The following CBLB variants were observed in gnomAD, a reference collection of about 807,000 sequenced individuals.
CBLB encodes E3 ubiquitin-protein ligase CBL-B.
Under a neutral mutation model 104.9 loss-of-function variants are expected in CBLB, and 31 were observed. That is an observed-to-expected ratio of 0.30 (90% confidence interval 0.22 to 0.40). CBLB has a LOEUF of 0.40. Among genes scored for constraint, CBLB ranks in the 10% least tolerant of loss-of-function variants. The pLI is 1.00. For synonymous variants in CBLB, 440 were observed against 422.6 expected (o/e 1.04, Z -0.51); for missense variants, 1,062 against 1,214.6 (o/e 0.87, Z 1.87).
intron 16 of CBLB, among the ~76,000 whole-genome samples, chr3:105,678,956 T>C (rs552544650): frequency 6.6e-6 from 1 of 152,288 alleles, no homozygotes; most frequent in East Asian, 1.9e-4. Flanking sequence ...ATTTTCTGTG[T>C]AGCAAAAAGA....
At chr3:105,817,020 T>A (rs867974007) in intron 3 of CBLB, among the ~76,000 whole-genome samples, 1 of 152,232 alleles carries the variant, frequency 6.6e-6, no homozygotes. Context: ...GAACTGGGTG[T>A]GTAGGATTCC....
chr3:105,830,083 C>T (rs9814761), intron 3 of CBLB, among the ~76,000 whole-genome samples: 38,540 of 151,994 alleles, frequency 0.25, 5,445 homozygotes, highest in South Asian at 0.36. Context: ...AGGAGTGATG[C>T]AGAGTTATCA....
At chr3:105,695,311 T>G (rs1238548344) in intron 12 of CBLB, among the ~76,000 whole-genome samples, 43 of 151,846 alleles carry the variant, frequency 2.8e-4, no homozygotes, top group Admixed American at 2.8e-3. Context: ...ATAAACCAAC[T>G]ATGATTTTAT....
chr3:105,856,366 A>G lies in CBLB; in HGVS notation c.169-2702T>C, dbSNP rs1003803469. The stretch of plus-strand genomic sequence containing the variant: ...TCCATCTCAAAAAAAAAAAAAAAAA[A>G]AAGAAAAGGAAAAAAAAAAGAAATC... On this transcript the variant is annotated intron_variant, in intron 2 of 18. Coordinates refer to ENST00000394030, the MANE Select transcript of CBLB (RefSeq NM_170662.5). Among the ~76,000 whole-genome samples, 79 of 151,604 alleles carry G rather than the reference A, an allele frequency of 5.2e-4. 1 individual carries two copies. Among genetic ancestry groups the G allele is most frequent in the Admixed American group, 1.7e-3 (26 of 15,234 alleles).
At chr3:105,756,862 C>T (rs574206990) in intron 4 of CBLB, among the ~76,000 whole-genome samples, 122 of 152,192 alleles carry the variant, frequency 8.0e-4, no homozygotes, top group African/African-American at 2.9e-3. Context: ...GAGGTAGAGC[C>T]CAGTGGGAGG....
At chr3:105,759,776 A>G (rs1203361487) in intron 4 of CBLB, among the ~76,000 whole-genome samples, 2 of 152,146 alleles carry the variant, frequency 1.3e-5, no homozygotes, top group African/African-American at 4.8e-5. Flanking sequence ...CCCCAAGAGT[A>G]TAGGGATGCC....
Position 105,658,984 on chromosome 3 carries a change from G to A in CBLB, c.2935C>T (p.Arg979Cys), listed in dbSNP as rs1240617248. 1.2e-6 allele frequency: 2 copies of A among 1,613,828 alleles called. No homozygotes were observed. Among genetic ancestry groups the A allele is most frequent in the Admixed American group, 1.7e-5 (1 of 59,996 alleles). ...EFAFPPPVSP[R>C]LNL The stretch of plus-strand genomic sequence containing the variant: ...AGTTCTGGCTGCTATAGATTTAGAC[G>A]TGGGGATACTGGAGGAGGGAAGGCA... Residue 979 changes from arginine (R) to cysteine (C), a missense_variant, in exon 19 of 19, where the codon CGT becomes TGT. Physicochemically the swap from Arg to Cys is radical, Grantham distance 180 (BLOSUM62 -3). This residue lies in a region of CBLB where 605 missense variants were observed against 582.6 expected (regional missense o/e 1.04). Transcript: ENST00000394030.
Position 105,867,428 on chromosome 3 carries a change from CCAAGTCTTCTCCACGGTCCTGCGAT to C in CBLB, c.125_149del (p.Asp42GlyfsTer8). 6.2e-7 allele frequency: 1 copy of C among 1,614,162 alleles called. No homozygotes were observed. The highest frequency in any genetic ancestry group is 8.5e-7 in the Non-Finnish European group (1 of 1,180,018). Reference sequence around the variant, plus strand: ...AACTTACCACTTTGTCCATGAGCTTCCAAGTCTTCTCCACGGTCCTGCGATCTGCGGCAGCTTGCTTAGGGGGTCC... The same window carrying C: ...AACTTACCACTTTGTCCATGAGCTTCCTGCGGCAGCTTGCTTAGGGGGTCC... On this transcript the variant is annotated frameshift_variant, in exon 2 of 19. Transcript: ENST00000394030. LOFTEE classifies it high-confidence loss of function.
intron 3 of CBLB, among the ~76,000 whole-genome samples, chr3:105,788,498 T>C (rs1248156462): frequency 6.6e-6 from 1 of 152,162 alleles, no homozygotes; most frequent in Non-Finnish European, 1.5e-5. Context: ...CGAATTTGTG[T>C]TGAGCTACAT....
intron 3 of CBLB, among the ~76,000 whole-genome samples, chr3:105,849,733 G>T (rs924278022): frequency 7.2e-5 from 11 of 151,946 alleles, no homozygotes; most frequent in African/African-American, 2.7e-4. Flanking sequence ...CTAGTCAAAG[G>T]AGTTATATGC....
intron 3 of CBLB, among the ~76,000 whole-genome samples, chr3:105,828,965 C>T (rs181395168): frequency 9.2e-5 from 14 of 152,060 alleles, no homozygotes; most frequent in African/African-American, 2.9e-4. Flanking sequence ...TAGGGAACCT[C>T]TATACCACAT....
At chr3:105,810,687 A>G (rs1241975444) in intron 3 of CBLB, among the ~76,000 whole-genome samples, 1 of 152,152 alleles carries the variant, frequency 6.6e-6, no homozygotes. Context: ...TCATGTTTCT[A>G]TAATTATAAA....
chr3:105,821,194 T>A (rs530635832), intron 3 of CBLB, among the ~76,000 whole-genome samples: 1 of 152,228 alleles, frequency 6.6e-6, no homozygotes, highest in African/African-American at 2.4e-5. Flanking sequence ...AAACACAACA[T>A]AATTTACATA....
At chr3:105,697,320 T>C (rs2068513512) in intron 12 of CBLB, among the ~76,000 whole-genome samples, 1 of 151,990 alleles carries the variant, frequency 6.6e-6, no homozygotes, top group South Asian at 2.1e-4. Flanking sequence ...TATCATCTAA[T>C]CCTAAAGTGT....
rs536983389 is a variant in CBLB at position 105,667,710 on chromosome 3, T to A, written c.2689+2523A>T. ...AGAAAACAAGGGAGATATTTTAAAA[T>A]CAATGAAACTACATTTTAAACTTCT... On this transcript the variant is annotated intron_variant, in intron 18 of 18. Coordinates refer to ENST00000394030, the MANE Select transcript of CBLB (RefSeq NM_170662.5). Among the ~76,000 whole-genome samples, 6 of 152,284 alleles carry A rather than the reference T, an allele frequency of 3.9e-5. No homozygotes were observed. In the East Asian group the frequency reaches 1.2e-3, roughly 29 times the overall value.
At chr3:105,725,342 G>C (rs1369721324) in intron 9 of CBLB, among the ~76,000 whole-genome samples, 1 of 152,172 alleles carries the variant, frequency 6.6e-6, no homozygotes, top group Non-Finnish European at 1.5e-5. Context: ...TTTAGAATGA[G>C]TCTACATTCT....
At chr3:105,761,750 A>G (rs2152931189) in intron 4 of CBLB, among the ~76,000 whole-genome samples, 1 of 152,358 alleles carries the variant, frequency 6.6e-6, no homozygotes, top group Middle Eastern at 3.4e-3. Flanking sequence ...GTGCTGCTGT[A>G]AAGATACCCA....
At chr3:105,681,659 A>G in intron 15 of CBLB, 49 bp from the exon 16 acceptor site, 2 of 1,612,406 alleles carry the variant, frequency 1.2e-6, no homozygotes, top group Non-Finnish European at 1.7e-6. Flanking sequence ...AATGGCATGA[A>G]ATTTTGCCTT....
rs368086824 is a variant in CBLB at position 105,867,565 on chromosome 3, T to C, written c.13A>G (p.Met5Val). Residue 5 changes from methionine to valine, a missense_variant, in exon 2 of 19, where the codon ATG becomes GTG. By Grantham distance (21) the Met-to-Val change is conservative. Coordinates refer to ENST00000394030, the MANE Select transcript of CBLB (RefSeq NM_170662.5). ...CGACCACCAGGGTTTCTGCCATTCA[T>C]TGAGTTTGCCATCTGGAATTTTAGT... MANSMNGRNPGGRGG... is the reference protein window; with the variant it reads MANSVNGRNPGGRGG... The C allele has an allele frequency of 3.0e-5, 49 of 1,614,068 alleles. No homozygotes were observed. The highest frequency in any genetic ancestry group is 3.5e-5 in the Non-Finnish European group (41 of 1,180,032).
Sources: allele counts gnomAD v4.1 joint callset (sites outside exome capture counted in the v4.1 genomes callset), GRCh38; gene constraint gnomAD v4.1.1; regional missense constraint gnomAD v4.1.1; transcripts MANE v1.5; gene names NCBI Gene and HGNC (gene_info 2026-07-23, HGNC 2026-07-21).